KCNT1: variants seen among roughly 807,000 people sequenced by gnomAD.
KCNT1 encodes potassium sodium-activated channel subfamily T member 1, also known as potassium channel subfamily T member 1.
A neutral mutation model predicts 147.8 loss-of-function variants in KCNT1; 78 were observed. The observed-to-expected ratio is 0.53, with a 90% CI of 0.44 to 0.64. The LOEUF (loss-of-function observed/expected upper bound fraction) is 0.64, where lower values mean the gene tolerates loss of function less well. KCNT1 is among the 30% of genes least tolerant of loss of function. The probability of loss-of-function intolerance (pLI) is 0.00; values close to 1 mark genes in which losing one functional copy is unlikely to be tolerated. For synonymous variants in KCNT1, 867 were observed against 748.8 expected, an observed-to-expected ratio of 1.16 and a Z score of -2.58; for missense variants, 1,419 against 1,750.3, an observed-to-expected ratio of 0.81 and a Z score of 3.38.
Position 135,722,314 on chromosome 9 carries a change from C to T in KCNT1, c.254+7594C>T, listed in dbSNP as rs1835957979. Among the ~76,000 whole-genome samples the T allele has an allele frequency of 2.0e-5, 3 of 152,232 alleles. No homozygotes were observed. In the South Asian group the frequency reaches 6.2e-4, roughly 31 times the overall value. On this transcript the variant is annotated intron_variant, in intron 2 of 30. Transcript: ENST00000371757. The stretch of plus-strand genomic sequence containing the variant: ...CACCCCTGGGGCCGGCACAGCGGGG[C>T]ACACGGCTTCATCACCAAGCCCATG...
intron 1 of KCNT1, among the ~76,000 whole-genome samples, chr9:135,705,418 T>C (rs1043544004): frequency 6.6e-6 from 1 of 152,238 alleles, no homozygotes; most frequent in Non-Finnish European, 1.5e-5. Context: ...AAGTGCTGTG[T>C]GTGCATGTGA....
intron 2 of KCNT1, among the ~76,000 whole-genome samples, chr9:135,722,514 C>T (rs1564320149): frequency 6.6e-6 from 1 of 152,202 alleles, no homozygotes; most frequent in Non-Finnish European, 1.5e-5. Context: ...TTCCATCATC[C>T]GGCGCGTCCA....
At position 135,784,556 on chromosome 9, in the gene KCNT1, A is replaced by T; in HGVS notation, c.2965A>T (p.Ile989Phe). ...CCAGTCCTTCGTGAAGGACTACATG[A>T]TCACCATCACCCGGCTGCTGCTGGG... is the stretch of plus-strand genomic sequence containing the variant. ...LYQSFVKDYM[I>F]TITRLLLGLD... is the part of the protein sequence containing the mutation. Residue 989 changes from isoleucine (I) to phenylalanine (F), a missense_variant, in exon 26 of 31, where the codon ATC becomes TTC. Physicochemically the swap from Ile to Phe is conservative, Grantham distance 21. Transcript: ENST00000371757. The T allele has an allele frequency of 6.8e-7, 1 of 1,460,474 alleles. No individual in the cohort carries two copies. Among genetic ancestry groups the T allele is most frequent in the Non-Finnish European group, 9.1e-7 (1 of 1,097,180 alleles). 90.5% of individuals were successfully genotyped at this position (1,460,474 alleles called of 1,614,324 possible). A position where few individuals can be genotyped will look rare whatever the true frequency, so the allele number is the denominator to read the frequency against.
At chr9:135,759,079 C>T (rs1019374271) in intron 10 of KCNT1, among the ~76,000 whole-genome samples, 1 of 152,212 alleles carries the variant, frequency 6.6e-6, no homozygotes, top group Non-Finnish European at 1.5e-5. Flanking sequence ...CTCCCTTCCC[C>T]CCTGCCCCTC....
At chr9:135,726,185 G>C (rs1384351398) in intron 2 of KCNT1, among the ~76,000 whole-genome samples, 1 of 152,110 alleles carries the variant, frequency 6.6e-6, no homozygotes, top group African/African-American at 2.4e-5. Context: ...TCTGGGCTGG[G>C]GGCTGGGCTG....
At position 135,751,049 on chromosome 9, in the gene KCNT1, A is replaced by G. The variant is rs750281638; in HGVS notation, c.434+8A>G. The stretch of plus-strand genomic sequence containing the variant: ...GGCCCTGGGCATCGGATGGTGGGCC[A>G]CGTGCGCGGCCGGGCGCGGGGTCCC... On this transcript the variant is annotated splice_region_variant and intron_variant, in intron 4 of 30. Transcript: ENST00000371757. 6 of 1,608,102 alleles carry G rather than the reference A, an allele frequency of 3.7e-6. No individual in the cohort carries two copies. The Admixed American group carries it at 1.0e-4, about 27-fold the overall frequency.
At chr9:135,731,585 T>C (rs1246670686) in intron 2 of KCNT1, among the ~76,000 whole-genome samples, 5 of 152,146 alleles carry the variant, frequency 3.3e-5, no homozygotes, top group African/African-American at 7.2e-5. Flanking sequence ...GCGTGTGCAT[T>C]TGTGCCGCGT....
chr9:135,731,459 G>A (rs534452612), intron 2 of KCNT1, among the ~76,000 whole-genome samples: 11 of 147,110 alleles, frequency 7.5e-5, no homozygotes, highest in Admixed American at 5.4e-4. Flanking sequence ...TGGGCTTCCC[G>A]CTGCCCACCC....
chr9:135,767,695 C>T (rs1162268073), intron 13 of KCNT1, among the ~76,000 whole-genome samples: 1 of 152,164 alleles, frequency 6.6e-6, no homozygotes, highest in Non-Finnish European at 1.5e-5. Flanking sequence ...CTCCTGCCAA[C>T]CCTGGACCCC....
intron 20 of KCNT1, among the ~76,000 whole-genome samples, chr9:135,775,740 C>G (rs1564378390): frequency 3.9e-5 from 6 of 152,158 alleles, no homozygotes. Context: ...AGAACCATCT[C>G]GTAACTACAG....
intron 18 of KCNT1, 139 bp downstream of exon 18, chr9:135,771,234 C>A: frequency 1.3e-6 from 1 of 761,140 alleles, no homozygotes; most frequent in Non-Finnish European, 2.1e-6. Context: ...GGAGACCAGG[C>A]AGGACAGGGG....
intron 22 of KCNT1, 21 bp downstream of exon 22, chr9:135,778,516 G>A: frequency 6.3e-7 from 1 of 1,594,936 alleles, no homozygotes; most frequent in Non-Finnish European, 8.5e-7. Context: ...GCCGGCCGAG[G>A]CTCGTGGGGG....
chr9:135,781,068 C>T (rs1345620518), intron 24 of KCNT1, among the ~76,000 whole-genome samples: 1 of 152,248 alleles, frequency 6.6e-6, no homozygotes, highest in Non-Finnish European at 1.5e-5. Context: ...GCCGTGGGGC[C>T]CATCTCTTTC....
intron 29 of KCNT1, chr9:135,789,127 CTAG>C (rs1241566349): frequency 2.0e-5 from 3 of 152,304 alleles, no homozygotes; most frequent in Non-Finnish European, 4.4e-5. Flanking sequence ...GGACCTGCAG[CTAG>C]CGGCCTTCAT....
At chr9:135,731,615 T>C (rs1278749982) in intron 2 of KCNT1, among the ~76,000 whole-genome samples, 1 of 152,160 alleles carries the variant, frequency 6.6e-6, no homozygotes, top group Non-Finnish European at 1.5e-5. Context: ...TTCCTTTGCG[T>C]TGGAGGACAT....
intron 29 of KCNT1, among the ~76,000 whole-genome samples, chr9:135,788,815 G>A (rs769167054): frequency 3.9e-5 from 6 of 152,200 alleles, no homozygotes; most frequent in Non-Finnish European, 7.3e-5. Flanking sequence ...GCTGTGCCCC[G>A]TCAGTGCTCA....
intron 2 of KCNT1, among the ~76,000 whole-genome samples, chr9:135,746,221 G>T (rs141321945): frequency 1.3e-5 from 2 of 152,330 alleles, no homozygotes; most frequent in Admixed American, 6.5e-5. Context: ...AGTCTGCCAG[G>T]CCCCAGCGTT....
chr9:135,746,511 G>T (rs1216442263), intron 2 of KCNT1, among the ~76,000 whole-genome samples: 1 of 152,244 alleles, frequency 6.6e-6, no homozygotes, highest in Admixed American at 6.5e-5. Context: ...AGCCAGTGAG[G>T]TCCTGGCAAT....
At position 135,792,519 on chromosome 9, in the gene KCNT1, TGCATGGGGA is replaced by T. The variant is rs1282460445; in HGVS notation, c.*360_*368del. 3 of 199,594 alleles carry T rather than the reference TGCATGGGGA, an allele frequency of 1.5e-5. No individual in the cohort carries two copies. The highest frequency in any genetic ancestry group is 3.1e-5 in the Non-Finnish European group (3 of 97,532). The allele number at this position is 199,594 out of a possible 1,614,324, so 12.4% of individuals were successfully genotyped here. ...GCTGTGCTGGAGGGTGGGGCTGGGG[TGCATGGGGA>T]GGGGAGCAGAACCCAGAACCCAGGA... On this transcript the variant is annotated 3_prime_UTR_variant, in exon 31 of 31. Coordinates refer to ENST00000371757, the MANE Select transcript of KCNT1 (RefSeq NM_020822.3).
Sources: gnomAD v4.1 joint callset for allele counts (sites outside exome capture counted in the v4.1 genomes callset) on GRCh38, gnomAD v4.1.1 for gene constraint, MANE v1.5 for transcripts, NCBI Gene and HGNC (gene_info 2026-07-23, HGNC 2026-07-21) for gene names.